PCA3: variants seen among roughly 807,000 people sequenced by gnomAD.
The protein encoded by PCA3 is Differential Display code 3.
chr9:76,774,450 C>CTTTTT (rs869289049), intron 2 of PCA3, among the ~76,000 whole-genome samples: 6 of 41,398 alleles, frequency 1.4e-4, no homozygotes, highest in Non-Finnish European at 1.9e-4. Context: ...CAGTTCAACC[C>CTTTTT]TTTTTTTTTT....
chr9:76,784,333 G>A (rs1395590116), intron 2 of PCA3: 3 of 152,162 alleles, frequency 2.0e-5, no homozygotes, highest in Non-Finnish European at 2.9e-5. Context: ...GAAAACAGAC[G>A]AGAAAATCTT....
intron 2 of PCA3, among the ~76,000 whole-genome samples, chr9:76,769,742 C>T (rs2052884953): frequency 1.3e-5 from 2 of 152,154 alleles, no homozygotes; most frequent in South Asian, 4.1e-4. Context: ...TATTCTGATG[C>T]TTGTATTTCT....
intron 2 of PCA3, among the ~76,000 whole-genome samples, chr9:76,774,238 C>G (rs1258766487): frequency 6.6e-6 from 1 of 151,962 alleles, no homozygotes; most frequent in Non-Finnish European, 1.5e-5. Flanking sequence ...TAGGCTCAAG[C>G]GATCCTCCCA....
chr9:76,767,499 T>G (rs960183949), intron 2 of PCA3, among the ~76,000 whole-genome samples: 1 of 152,088 alleles, frequency 6.6e-6, no homozygotes, highest in East Asian at 1.9e-4. Flanking sequence ...TTATTTTCCT[T>G]GCTTTCCACT....
intron 2 of PCA3, chr9:76,786,347 C>T (rs1371896238): frequency 6.6e-6 from 1 of 152,296 alleles, no homozygotes; most frequent in South Asian, 2.1e-4. Flanking sequence ...TAAGCTCACA[C>T]TGGTCAAAAG....
intron 2 of PCA3, among the ~76,000 whole-genome samples, chr9:76,772,820 T>C (rs2053266034): frequency 6.6e-6 from 1 of 152,164 alleles, no homozygotes; most frequent in Non-Finnish European, 1.5e-5. Flanking sequence ...CATCTTGGCC[T>C]CCCACAGTGC....
intron 2 of PCA3, among the ~76,000 whole-genome samples, chr9:76,777,814 A>G (rs1347627006): frequency 6.6e-6 from 1 of 152,222 alleles, no homozygotes; most frequent in Non-Finnish European, 1.5e-5. Context: ...CACCATTTAC[A>G]TGACATTTGA....
intron 2 of PCA3, among the ~76,000 whole-genome samples, chr9:76,769,471 G>T (rs2130906063): frequency 6.7e-6 from 1 of 148,734 alleles, no homozygotes; most frequent in East Asian, 2.0e-4. Context: ...TGCCCAGGCT[G>T]GAGTGCAATG....
chr9:76,765,169 A>G (rs2052202837), intron 2 of PCA3, among the ~76,000 whole-genome samples: 1 of 152,216 alleles, frequency 6.6e-6, no homozygotes, highest in Admixed American at 6.5e-5. Context: ...AGAAAAGTCA[A>G]TGAGCTGGAA....
At chr9:76,770,091 T>C (rs2052923546) in intron 2 of PCA3, among the ~76,000 whole-genome samples, 1 of 152,190 alleles carries the variant, frequency 6.6e-6, no homozygotes, top group Non-Finnish European at 1.5e-5. Context: ...TTATTGTTAA[T>C]GCACCAAAAA....
intron 2 of PCA3, among the ~76,000 whole-genome samples, chr9:76,764,843 T>C (rs1445222773): frequency 6.6e-6 from 1 of 152,112 alleles, no homozygotes; most frequent in Non-Finnish European, 1.5e-5. Context: ...GAATGGAAGG[T>C]ACTTGATATT....
chr9:76,771,654 G>A (rs1243303311), intron 2 of PCA3, among the ~76,000 whole-genome samples: 1 of 152,198 alleles, frequency 6.6e-6, no homozygotes, highest in African/African-American at 2.4e-5. Flanking sequence ...TGTACACATT[G>A]AGTAAATGAA....
chr9:76,781,693 A>T (rs965347572), intron 2 of PCA3, among the ~76,000 whole-genome samples: 1 of 152,150 alleles, frequency 6.6e-6, no homozygotes, highest in Admixed American at 6.5e-5. Context: ...TCCTGACTAA[A>T]CTGAAAGCTC....
intron 2 of PCA3, chr9:76,784,600 G>C (rs1237306550): frequency 6.6e-6 from 1 of 152,158 alleles, no homozygotes. Flanking sequence ...TTAGTTCCCA[G>C]ATCTGTACTG....
At chr9:76,783,523 C>A (rs890389682) in intron 2 of PCA3, among the ~76,000 whole-genome samples, 3 of 152,150 alleles carry the variant, frequency 2.0e-5, no homozygotes, top group East Asian at 3.9e-4. Context: ...ATGTAGATTG[C>A]TTCATTTGTT....
intron 2 of PCA3, among the ~76,000 whole-genome samples, chr9:76,771,319 A>G (rs515381): frequency 0.48 from 72,466 of 152,018 alleles, 17,679 homozygotes; most frequent in East Asian, 0.67. Flanking sequence ...TGCTGATACA[A>G]TAACAAAATG....
intron 2 of PCA3, among the ~76,000 whole-genome samples, chr9:76,772,000 T>A (rs547899327): frequency 6.6e-6 from 1 of 152,306 alleles, no homozygotes; most frequent in East Asian, 1.9e-4. Flanking sequence ...TACAGCAAAT[T>A]TGCCTATACG....
intron 2 of PCA3, among the ~76,000 whole-genome samples, chr9:76,777,979 G>C (rs988608693): frequency 3.3e-5 from 5 of 152,244 alleles, no homozygotes; most frequent in Admixed American, 6.5e-5. Context: ...GTCTATAGCA[G>C]TGGGAGGTGG....
At chr9:76,769,753 G>C (rs1043280820) in intron 2 of PCA3, among the ~76,000 whole-genome samples, 7 of 152,194 alleles carry the variant, frequency 4.6e-5, no homozygotes, top group African/African-American at 1.7e-4. Flanking sequence ...TTGTATTTCT[G>C]TAGGAGAGCT....
Sources: allele counts gnomAD v4.1 joint callset (sites outside exome capture counted in the v4.1 genomes callset), GRCh38; gene constraint gnomAD v4.1.1; transcripts MANE v1.5; gene names NCBI Gene and HGNC (gene_info 2026-07-23, HGNC 2026-07-21).